Variants in CCR6 observed in about 807,000 individuals in gnomAD.
CCR6 encodes C-C chemokine receptor type 6.
CCR6 carries 2 observed loss-of-function variants against 3.0 expected under a neutral mutation model. That is an observed-to-expected ratio of 0.66 (90% CI 0.27 to 2.07). The LOEUF (loss-of-function observed/expected upper bound fraction) is 2.07. Ranked by LOEUF, CCR6 falls within the 30% of genes most tolerant of loss-of-function variation. The pLI is 0.14. For synonymous variants in CCR6, 193 were observed against 184.3 expected, an observed-to-expected ratio of 1.05 and a Z score of -0.38; for missense variants, 322 against 462.8, an observed-to-expected ratio of 0.70 and a Z score of 2.79.
In CCR6 at chr6:167,133,177, A is replaced by C. The variant is rs1051738037; in HGVS notation, c.-97-2861A>C. ...ACAGTTCATTCTTTTTGCAATTTAT[A>C]TAAGAAGCTTCTTTTTCCAGGGTCA... On this transcript the variant is annotated intron_variant, in intron 1 of 2. Transcript: ENST00000341935. Among the ~76,000 whole-genome samples, 11 of 152,204 alleles carry C rather than the reference A, an allele frequency of 7.2e-5. No individual in the cohort carries two copies. In the East Asian group the frequency reaches 1.7e-3, roughly 24 times the overall value.
At position 167,136,028 on chromosome 6, in the gene CCR6, T is replaced by C; in HGVS notation, c.-97-10T>C. On this transcript the variant is annotated splice_polypyrimidine_tract_variant and intron_variant, in intron 1 of 2. Transcript: ENST00000341935. The surrounding 1 kb of genome is among the most constrained non-coding windows in gnomAD (Gnocchi z 4.6). The stretch of plus-strand genomic sequence containing the variant: ...TAACTGTAGTGCATTTTGCCTTCTT[T>C]CCTTCTTAGAGTCACCTCTACTTTC... 7.6e-7 allele frequency: 1 copy of C among 1,313,384 alleles called. No individual in the cohort carries two copies. The highest frequency in any genetic ancestry group is 1.1e-6 in the Non-Finnish European group (1 of 942,030). 81.4% of individuals were successfully genotyped at this position (1,313,384 alleles called of 1,614,324 possible).
intron 1 of CCR6, among the ~76,000 whole-genome samples, chr6:167,132,458 C>T (rs1015095742): frequency 5.3e-5 from 8 of 152,136 alleles, no homozygotes; most frequent in Non-Finnish European, 8.8e-5. Flanking sequence ...CCAGATGCAC[C>T]ATGTCCTCTC....
intron 1 of CCR6, among the ~76,000 whole-genome samples, chr6:167,133,685 C>T (rs568570870): frequency 4.6e-5 from 7 of 150,608 alleles, no homozygotes; most frequent in South Asian, 2.1e-4. Context: ...ATCTACAGAT[C>T]GATTTGGGGA....
rs766090884 is a variant in CCR6 at position 167,136,787 on chromosome 6, A to G, written c.557A>G (p.Asn186Ser). The G allele has an allele frequency of 2.4e-5, 38 of 1,613,884 alleles. No individual in the cohort carries two copies. Among genetic ancestry groups the G allele is most frequent in the Middle Eastern group, 3.3e-4 (2 of 6,084 alleles). Residue 186 changes from asparagine to serine, a missense_variant, in exon 3 of 3, where the codon AAC becomes AGC. Transcript: ENST00000341935. This position sits in a 1 kb window ranked among gnomAD's most constrained non-coding sequence, Gnocchi z 4.6. The part of the protein sequence containing the change: ...VIISSSTFVF[N>S]QKYNTQGSDV... ...ATCTCCAGCTCAACTTTTGTCTTCAACCAAAAATACAACACCCAAGGCAGC... is the reference window on the plus strand; with the variant it reads ...ATCTCCAGCTCAACTTTTGTCTTCAGCCAAAAATACAACACCCAAGGCAGC...
chr6:167,137,319 C>T lies in CCR6; in HGVS notation c.1089C>T (p.Thr363=), dbSNP rs749935898. ...SENISRQTSE[T]ADNDNASSFT... ...ACATTTCTCGGCAGACCAGTGAGACCGCAGATAACGACAATGCGTCGTCCT... is the reference window on the plus strand; with the variant it reads ...ACATTTCTCGGCAGACCAGTGAGACTGCAGATAACGACAATGCGTCGTCCT... The change falls in exon 3 of 3, where the codon ACC becomes ACT. Residue 363 remains threonine, a synonymous_variant. Transcript: ENST00000341935. The surrounding 1 kb of genome is among the most constrained non-coding windows in gnomAD (Gnocchi z 4.6). 9.9e-6 allele frequency: 16 copies of T among 1,613,380 alleles called. No individual in the cohort carries two copies. The East Asian group carries it at 1.6e-4, about 16-fold the overall frequency.
chr6:167,137,794 A>G lies in CCR6; in HGVS notation c.*439A>G, dbSNP rs1781872799. 6.1e-6 allele frequency: 1 copy of G among 163,538 alleles called. No individual in the cohort carries two copies. Among genetic ancestry groups the G allele is most frequent in the African/African-American group, 2.4e-5 (1 of 41,524 alleles). The allele number at this position is 163,538 out of a possible 1,614,324, so 10.1% of individuals were successfully genotyped here. On this transcript the variant is annotated 3_prime_UTR_variant, in exon 3 of 3. Transcript: ENST00000341935. This position sits in a 1 kb window ranked among gnomAD's most constrained non-coding sequence, Gnocchi z 4.6. Reference sequence around the variant, plus strand: ...CCAACACATCACTCATTTTAGGCAAATGTTTAAACATTTTTATCTATCAGA... The same window carrying G: ...CCAACACATCACTCATTTTAGGCAAGTGTTTAAACATTTTTATCTATCAGA...
chr6:167,129,822 G>C lies in CCR6; in HGVS notation c.-97-6216G>C, dbSNP rs3798314. ...TCCTGTGAGAGGCTAACATTCAGGT[G>C]GGGGGTGACAATGAGTTACTGAGAC... is the stretch of plus-strand genomic sequence containing the variant. On this transcript the variant is annotated intron_variant, in intron 1 of 2. Coordinates refer to ENST00000341935, the MANE Select transcript of CCR6 (RefSeq NM_031409.4). 3.3e-5 allele frequency among the ~76,000 whole-genome samples: 5 copies of C among 151,542 alleles called. No individual in the cohort carries two copies. The East Asian group carries it at 9.6e-4, about 29-fold the overall frequency.
chr6:167,117,041 C>T (rs920164467), intron 1 of CCR6: 1 of 152,272 alleles, frequency 6.6e-6, no homozygotes, highest in Non-Finnish European at 1.5e-5. Context: ...GAGAGCTGTC[C>T]ATCATCCATC....
intron 1 of CCR6, among the ~76,000 whole-genome samples, chr6:167,114,219 C>T (rs182181048): frequency 3.5e-4 from 54 of 152,350 alleles, no homozygotes; most frequent in African/African-American, 1.2e-3. Flanking sequence ...GTCATGAGGA[C>T]GTCATCCTCC....
At chr6:167,134,900 T>A (rs1781826823) in intron 1 of CCR6, 1 of 152,262 alleles carries the variant, frequency 6.6e-6, no homozygotes, top group Admixed American at 6.5e-5. Context: ...GGAGTGAGCC[T>A]GAGAATAGCG....
chr6:167,138,245 A>T lies in CCR6; in HGVS notation c.*890A>T, dbSNP rs1429600667. 1.3e-5 allele frequency: 2 copies of T among 152,190 alleles called. No individual in the cohort carries two copies. Among genetic ancestry groups the T allele is most frequent in the East Asian group, 3.8e-4 (2 of 5,220 alleles). 9.4% of individuals were successfully genotyped at this position (152,190 alleles called of 1,614,324 possible). A position where few individuals can be genotyped will look rare whatever the true frequency, so the allele number is the denominator to read the frequency against. ...AGATTTGATTAATGAATCGTAATGA[A>T]GTTGGGGTTTATTGTACAGTTTAAA... On this transcript the variant is annotated 3_prime_UTR_variant, in exon 3 of 3. Transcript: ENST00000341935.
At position 167,137,896 on chromosome 6, in the gene CCR6, C is replaced by T. The variant is rs532363199; in HGVS notation, c.*541C>T. ...TCTCATTTCCCTTTGATACAGTCAA[C>T]AAGCCTGACCCTGTAAAATGGAGGT... On this transcript the variant is annotated 3_prime_UTR_variant, in exon 3 of 3. Transcript: ENST00000341935. This position sits in a 1 kb window ranked among gnomAD's most constrained non-coding sequence, Gnocchi z 4.6. 6.4e-6 allele frequency: 1 copy of T among 155,650 alleles called. No individual in the cohort carries two copies. Among genetic ancestry groups the T allele is most frequent in the South Asian group, 2.0e-4 (1 of 5,102 alleles). The allele number at this position is 155,650 out of a possible 1,614,324, so 9.6% of individuals were successfully genotyped here.
At chr6:167,114,853 A>G (rs1234897311) in intron 1 of CCR6, 1 of 152,230 alleles carries the variant, frequency 6.6e-6, no homozygotes, top group Non-Finnish European at 1.5e-5. Context: ...TGAGGTGAGG[A>G]TGTCTTCACA....
chr6:167,136,534 T>C lies in CCR6; in HGVS notation c.304T>C (p.Trp102Arg), dbSNP rs776337420. 6.3e-7 allele frequency: 1 copy of C among 1,594,080 alleles called. No individual in the cohort carries two copies. The highest frequency in any genetic ancestry group is 1.7e-5 in the Admixed American group (1 of 58,990). Reference sequence around the variant, plus strand: ...CCTCTTTGTTCTTACTCTCCCATTCTGGGCAGTGAGTCATGCCACCGGTGC... The same window carrying C: ...CCTCTTTGTTCTTACTCTCCCATTCCGGGCAGTGAGTCATGCCACCGGTGC... ...DILFVLTLPFWAVSHATGAWV... is the reference protein window; with the variant it reads ...DILFVLTLPFRAVSHATGAWV... The change falls in exon 3 of 3, where the codon TGG becomes CGG. Residue 102 changes from tryptophan to arginine, a missense_variant. By Grantham distance (101) the Trp-to-Arg change is moderately radical (BLOSUM62 -3). Transcript: ENST00000341935. The surrounding 1 kb of genome is among the most constrained non-coding windows in gnomAD (Gnocchi z 4.6).
At chr6:167,125,371 G>A (rs1199131340) in intron 1 of CCR6, among the ~76,000 whole-genome samples, 1 of 152,224 alleles carries the variant, frequency 6.6e-6, no homozygotes, top group African/African-American at 2.4e-5. Context: ...ATGATCAATG[G>A]CAGTCGGTCT....
chr6:167,112,912 TAGC>T (rs1056916887), intron 1 of CCR6, among the ~76,000 whole-genome samples: 109 of 152,214 alleles, frequency 7.2e-4, no homozygotes, highest in African/African-American at 2.6e-3. Flanking sequence ...GTTCTAGTGA[TAGC>T]ATTGTCTCCC....
chr6:167,129,083 C>A (rs1317790466), intron 1 of CCR6, among the ~76,000 whole-genome samples: 2 of 152,168 alleles, frequency 1.3e-5, no homozygotes, highest in African/African-American at 2.4e-5. Flanking sequence ...AAGCAATGGG[C>A]AGGACACAGC....
intron 1 of CCR6, among the ~76,000 whole-genome samples, chr6:167,132,399 T>C (rs1781782658): frequency 6.6e-6 from 1 of 152,208 alleles, no homozygotes; most frequent in African/African-American, 2.4e-5. Context: ...CACTGTCTCC[T>C]TGGAGTGGCT....
Position 167,136,938 on chromosome 6 carries a change from C to T in CCR6, c.708C>T (p.Phe236=). Residue 236 remains phenylalanine (F), a synonymous_variant, in exon 3 of 3, where the codon TTC becomes TTT. Transcript: ENST00000341935. The surrounding 1 kb of genome is among the most constrained non-coding windows in gnomAD (Gnocchi z 4.6). The stretch of plus-strand genomic sequence containing the variant: ...TGTTCATGATATTTTGTTACACGTT[C>T]ATTGTCAAAACCTTGGTGCAAGCTC... ...PLMFMIFCYT[F]IVKTLVQAQN... is the part of the protein sequence containing the mutation. 1 of 1,614,190 alleles carries T rather than the reference C, an allele frequency of 6.2e-7. No individual in the cohort carries two copies. The highest frequency in any genetic ancestry group is 1.7e-5 in the Admixed American group (1 of 60,022).
Sources: gnomAD v4.1 joint callset for allele counts (sites outside exome capture counted in the v4.1 genomes callset) on GRCh38, gnomAD v4.1.1 for gene constraint, Gnocchi (gnomAD v3.1) non-coding constraint, MANE v1.5 for transcripts, NCBI Gene and HGNC (gene_info 2026-07-23, HGNC 2026-07-21) for gene names.